CACNA1A: variants seen among roughly 807,000 people sequenced by gnomAD.
CACNA1A encodes calcium voltage-gated channel subunit alpha1 A, also known as voltage-dependent P/Q-type calcium channel subunit alpha-1A.
CACNA1A carries 57 observed loss-of-function variants against 262.4 expected under a neutral mutation model. The ratio of observed to expected loss-of-function variants is 0.22; its 90% CI spans 0.18 to 0.27. The LOEUF is 0.27. Ranked by LOEUF, CACNA1A falls within the 10% of genes least tolerant of loss-of-function variation. The pLI, the probability that CACNA1A is intolerant of heterozygous loss-of-function variation, is 1.00. For synonymous variants in CACNA1A, 1,431 were observed against 1,419.3 expected (o/e 1.01, Z -0.18); for missense variants, 2,526 against 3,562.8 (o/e 0.71, Z 7.41).
chr19:13,400,795 T>C (rs1485698194), intron 3 of CACNA1A, among the ~76,000 whole-genome samples: 3 of 152,176 alleles, frequency 2.0e-5, no homozygotes, highest in Middle Eastern at 3.2e-3. Context: ...TCATCAGTGC[T>C]GTGGCGGAGA....
chr19:13,367,101 C>T (rs1304196532), intron 4 of CACNA1A, among the ~76,000 whole-genome samples: 1 of 151,924 alleles, frequency 6.6e-6, no homozygotes, highest in Non-Finnish European at 1.5e-5. Context: ...CAAGACAAGT[C>T]TGGCCAACAT....
chr19:13,434,636 C>T (rs1289094265), intron 3 of CACNA1A, among the ~76,000 whole-genome samples: 1 of 152,126 alleles, frequency 6.6e-6, no homozygotes, highest in Non-Finnish European at 1.5e-5. Flanking sequence ...GACACCTGCT[C>T]CAGCTTTACC....
intron 31 of CACNA1A, among the ~76,000 whole-genome samples, chr19:13,240,412 G>C (rs1398947422): frequency 3.3e-5 from 5 of 151,646 alleles, no homozygotes; most frequent in South Asian, 4.2e-4. Flanking sequence ...TGTGTGCAGT[G>C]ACTGTGTTTG....
At chr19:13,235,367 G>A in intron 32 of CACNA1A, 93 bp from the exon 33 acceptor site, 2 of 1,269,692 alleles carry the variant, frequency 1.6e-6, no homozygotes, top group South Asian at 2.6e-5. Context: ...CCACTGGGTT[G>A]GGTGGCCATA....
At chr19:13,334,520 A>C in intron 7 of CACNA1A, 27 bp from the exon 8 acceptor site, 1 of 1,232,264 alleles carries the variant, frequency 8.1e-7, no homozygotes, top group Non-Finnish European at 1.2e-6. Context: ...AAGCCAGAGT[A>C]TGGCTGTTTT....
chr19:13,299,902 GATC>G (rs1477067783), intron 18 of CACNA1A, among the ~76,000 whole-genome samples: 2 of 152,176 alleles, frequency 1.3e-5, no homozygotes, highest in Non-Finnish European at 2.9e-5. Context: ...TTTCACCTGA[GATC>G]ATCAGGCATT....
intron 22 of CACNA1A, among the ~76,000 whole-genome samples, chr19:13,280,826 A>T (rs2057271912): frequency 6.6e-6 from 1 of 151,542 alleles, no homozygotes; most frequent in African/African-American, 2.4e-5. Context: ...CTGTAGTCCC[A>T]GCTACTCTGG....
chr19:13,351,833 A>T, intron 6 of CACNA1A, among the ~76,000 whole-genome samples: 1 of 152,022 alleles, frequency 6.6e-6, no homozygotes, highest in Admixed American at 6.6e-5. Context: ...TTTTTTTAAG[A>T]TGAGTCTTGC....
chr19:13,257,310 TC>T lies in CACNA1A; in HGVS notation c.4590+39del, dbSNP rs1325625972. 2.0e-6 allele frequency: 3 copies of T among 1,534,976 alleles called. No individual in the cohort carries two copies. In the African/African-American group the frequency reaches 4.1e-5, roughly 21 times the overall value. ...GTGTGTGTTTTAAAGTTTGTGTGTG[TC>T]CCCAGTTTTTAAAGGACAGATGGAA... On this transcript the variant is annotated intron_variant, in intron 28 of 46. Coordinates refer to ENST00000360228, the MANE Select transcript of CACNA1A (RefSeq NM_001127222.2).
intron 3 of CACNA1A, among the ~76,000 whole-genome samples, chr19:13,409,421 A>G (rs1034970684): frequency 3.3e-5 from 5 of 151,906 alleles, no homozygotes; most frequent in Non-Finnish European, 5.9e-5. Context: ...GATGTCTTTT[A>G]TTAGACTCAA....
In CACNA1A at chr19:13,458,326, ATT is replaced by A. The variant is rs371106353; in HGVS notation, c.294-3116_294-3115del. On this transcript the variant is annotated intron_variant, in intron 1 of 46. Coordinates refer to ENST00000360228, the MANE Select transcript of CACNA1A (RefSeq NM_001127222.2). The stretch of plus-strand genomic sequence containing the variant: ...AGGTGCACAACACCATGTGTGCCTA[ATT>A]TTTTTTTTGTAAGAGACAGAGTCTT... Among the ~76,000 whole-genome samples the A allele has an allele frequency of 4.0e-5, 6 of 149,348 alleles. No individual in the cohort carries two copies. The East Asian group carries it at 1.2e-3, about 29-fold the overall frequency.
chr19:13,416,926 T>G (rs1478931876), intron 3 of CACNA1A, among the ~76,000 whole-genome samples: 1 of 152,164 alleles, frequency 6.6e-6, no homozygotes, highest in Non-Finnish European at 1.5e-5. Context: ...TGTGTATATT[T>G]TGCCACAATC....
chr19:13,363,656 G>A (rs2059154092), intron 5 of CACNA1A: 1 of 152,066 alleles, frequency 6.6e-6, no homozygotes, highest in African/African-American at 2.4e-5. Flanking sequence ...GGTGGAGAGG[G>A]TGGGTGGAAA....
chr19:13,305,636 A>G (rs954184622), intron 15 of CACNA1A, among the ~76,000 whole-genome samples: 1 of 152,230 alleles, frequency 6.6e-6, no homozygotes, highest in Non-Finnish European at 1.5e-5. Context: ...ACCAGATGCC[A>G]GTAGCACCCT....
chr19:13,249,645 G>A (rs1600168427), intron 30 of CACNA1A, among the ~76,000 whole-genome samples: 1 of 152,136 alleles, frequency 6.6e-6, no homozygotes. Flanking sequence ...GTCAGCCACC[G>A]TGCCTGGCCC....
intron 6 of CACNA1A, among the ~76,000 whole-genome samples, chr19:13,353,501 A>G (rs1364599360): frequency 6.6e-6 from 1 of 152,078 alleles, no homozygotes; most frequent in African/African-American, 2.4e-5. Flanking sequence ...ACGATTTTTA[A>G]TGATGACATA....
At chr19:13,310,380 G>A (rs1172159157) in intron 12 of CACNA1A, among the ~76,000 whole-genome samples, 3 of 139,902 alleles carry the variant, frequency 2.1e-5, no homozygotes, top group East Asian at 4.5e-4. Flanking sequence ...GCTTGAACCC[G>A]GGAGGTGGAG....
chr19:13,368,323 T>C (rs1238661436), intron 4 of CACNA1A, among the ~76,000 whole-genome samples: 1 of 150,690 alleles, frequency 6.6e-6, no homozygotes, highest in Non-Finnish European at 1.5e-5. Flanking sequence ...TTAGTATTTC[T>C]CTGCCTATCA....
chr19:13,462,706 A>G (rs945310516), intron 1 of CACNA1A, among the ~76,000 whole-genome samples: 4 of 152,218 alleles, frequency 2.6e-5, no homozygotes, highest in African/African-American at 9.6e-5. Flanking sequence ...CATAGGAGGT[A>G]CTGGCAGAGC....
Sources: gnomAD v4.1 joint callset for allele counts (sites outside exome capture counted in the v4.1 genomes callset) on GRCh38, gnomAD v4.1.1 for gene constraint, MANE v1.5 for transcripts, NCBI Gene and HGNC (gene_info 2026-07-23, HGNC 2026-07-21) for gene names.